SLC4A10: variants seen among roughly 807,000 people sequenced by gnomAD.
SLC4A10 encodes solute carrier family 4 member 10.
In SLC4A10, 42 loss-of-function variants were observed where a neutral mutation model predicts 137.7. The observed-to-expected ratio is 0.30, with a 90% confidence interval of 0.24 to 0.39. The LOEUF is 0.39. SLC4A10 is among the 10% of genes least tolerant of loss of function. The pLI is 1.00. For missense variants in SLC4A10, 925 were observed against 1,355.0 expected, an observed-to-expected ratio of 0.68 and a Z score of 4.98; for synonymous variants, 474 against 464.1, an observed-to-expected ratio of 1.02 and a Z score of -0.27.
intron 9 of SLC4A10, among the ~76,000 whole-genome samples, chr2:161,882,113 G>A (rs193264432): frequency 6.7e-6 from 1 of 149,366 alleles, no homozygotes; most frequent in Non-Finnish European, 1.5e-5. Context: ...ATAACTAAAC[G>A]GAGAAACACT....
intron 26 of SLC4A10, among the ~76,000 whole-genome samples, chr2:161,982,037 T>C (rs1033305027): frequency 6.6e-6 from 1 of 152,194 alleles, no homozygotes; most frequent in East Asian, 1.9e-4. Flanking sequence ...CTTAGAAAGT[T>C]GTACAGGAGG....
intron 2 of SLC4A10, among the ~76,000 whole-genome samples, chr2:161,791,073 C>G (rs748878118): frequency 5.3e-5 from 8 of 152,068 alleles, no homozygotes; most frequent in Non-Finnish European, 1.5e-5. Flanking sequence ...CCTTAAAGAC[C>G]TAGAGGCAGA....
At chr2:161,700,549 T>A (rs928276321) in intron 1 of SLC4A10, among the ~76,000 whole-genome samples, 1 of 152,144 alleles carries the variant, frequency 6.6e-6, no homozygotes, top group African/African-American at 2.4e-5. Context: ...ATAACAATAA[T>A]AAAATAATAT....
At chr2:161,650,106 A>G (rs748591873) in intron 1 of SLC4A10, among the ~76,000 whole-genome samples, 1 of 152,200 alleles carries the variant, frequency 6.6e-6, no homozygotes, top group Non-Finnish European at 1.5e-5. Flanking sequence ...AGAATACAAC[A>G]TTGAACTTAG....
chr2:161,629,403 T>C (rs1227759745), intron 1 of SLC4A10, among the ~76,000 whole-genome samples: 3 of 151,640 alleles, frequency 2.0e-5, no homozygotes, highest in African/African-American at 7.3e-5. Flanking sequence ...TATATTTTAA[T>C]GGGTCTTATT....
At chr2:161,856,469 T>C (rs1425433315) in intron 5 of SLC4A10, among the ~76,000 whole-genome samples, 1 of 151,966 alleles carries the variant, frequency 6.6e-6, no homozygotes, top group Non-Finnish European at 1.5e-5. Flanking sequence ...GAGATTATTC[T>C]TTAAGTTACA....
chr2:161,948,714 T>TGATAA (rs1174452000), intron 17 of SLC4A10, among the ~76,000 whole-genome samples: 1 of 152,124 alleles, frequency 6.6e-6, no homozygotes, highest in African/African-American at 2.4e-5. Context: ...TATGTTTCTT[T>TGATAA]GATAAGAACA....
At chr2:161,766,280 C>T (rs2050785259) in intron 1 of SLC4A10, among the ~76,000 whole-genome samples, 1 of 152,056 alleles carries the variant, frequency 6.6e-6, no homozygotes, top group African/African-American at 2.4e-5. Flanking sequence ...TGTAAAATTT[C>T]ACTCTCAGTA....
chr2:161,780,165 G>A (rs1049014050), intron 2 of SLC4A10, among the ~76,000 whole-genome samples: 1 of 152,042 alleles, frequency 6.6e-6, no homozygotes, highest in Non-Finnish European at 1.5e-5. Flanking sequence ...GCACAGTGGA[G>A]TGTGAATTAT....
intron 1 of SLC4A10, among the ~76,000 whole-genome samples, chr2:161,722,460 G>C (rs181797645): frequency 6.6e-6 from 1 of 152,128 alleles, no homozygotes; most frequent in Non-Finnish European, 1.5e-5. Context: ...GGCTGCTGTG[G>C]TTTGCTGGGG....
chr2:161,823,421 C>T (rs1350508562), intron 3 of SLC4A10, among the ~76,000 whole-genome samples: 1 of 152,356 alleles, frequency 6.6e-6, no homozygotes, highest in East Asian at 1.9e-4. Context: ...AGCAGTTCAT[C>T]TCTTCAGTAA....
At chr2:161,767,684 T>G (rs1025913535) in intron 1 of SLC4A10, among the ~76,000 whole-genome samples, 4 of 152,066 alleles carry the variant, frequency 2.6e-5, no homozygotes, top group Non-Finnish European at 4.4e-5. Flanking sequence ...TTATCTGTTC[T>G]GATTATCCAC....
intron 4 of SLC4A10, among the ~76,000 whole-genome samples, chr2:161,851,544 A>G (rs986811628): frequency 3.3e-5 from 5 of 152,166 alleles, no homozygotes; most frequent in African/African-American, 7.2e-5. Flanking sequence ...CCTTTTTAGC[A>G]TTCTTAAAAT....
At chr2:161,768,717 T>C (rs2051200590) in intron 1 of SLC4A10, among the ~76,000 whole-genome samples, 1 of 152,016 alleles carries the variant, frequency 6.6e-6, no homozygotes, top group African/African-American at 2.4e-5. Context: ...ACCATAGGTC[T>C]CTGAATCAGA....
chr2:161,795,843 C>CT (rs555122798), intron 2 of SLC4A10, among the ~76,000 whole-genome samples: 409 of 151,934 alleles, frequency 2.7e-3, no homozygotes, highest in African/African-American at 9.4e-3. Context: ...AGGCTAGTTT[C>CT]TTTTTTTTAA....
chr2:161,861,216 C>A (rs2060417139), intron 5 of SLC4A10, among the ~76,000 whole-genome samples: 1 of 152,188 alleles, frequency 6.6e-6, no homozygotes, highest in East Asian at 1.9e-4. Context: ...AATACCATCT[C>A]CTTTGCCAGT....
chr2:161,645,553 T>C (rs1462422343), intron 1 of SLC4A10, among the ~76,000 whole-genome samples: 2 of 152,064 alleles, frequency 1.3e-5, no homozygotes, highest in African/African-American at 4.8e-5. Context: ...TGCATATTCC[T>C]TTCTTTAAAA....
In SLC4A10 at chr2:161,981,097, T is replaced by C. The variant is rs1367511927; in HGVS notation, c.*27-2082T>C. On this transcript the variant is annotated intron_variant, in intron 26 of 26. Transcript: ENST00000446997. Reference sequence around the variant, plus strand: ...AGACATTTAATAGGTTATTGTTTTGTAACCAAACAACCAAAGCAGAGTCAG... The same window carrying C: ...AGACATTTAATAGGTTATTGTTTTGCAACCAAACAACCAAAGCAGAGTCAG... 5.3e-5 allele frequency among the ~76,000 whole-genome samples: 8 copies of C among 152,368 alleles called. No individual in the cohort carries two copies. The East Asian group carries it at 1.5e-3, about 29-fold the overall frequency.
At chr2:161,808,035 A>G (rs1173730292) in intron 3 of SLC4A10, among the ~76,000 whole-genome samples, 4 of 152,064 alleles carry the variant, frequency 2.6e-5, no homozygotes, top group African/African-American at 7.2e-5. Context: ...TATTTTTATG[A>G]ATTTAAATCA....
Sources: gnomAD v4.1 joint callset for allele counts (sites outside exome capture counted in the v4.1 genomes callset) on GRCh38, gnomAD v4.1.1 for gene constraint, MANE v1.5 for transcripts, NCBI Gene and HGNC (gene_info 2026-07-23, HGNC 2026-07-21) for gene names.